Variants in MRPL36 observed in about 807,000 individuals in gnomAD.
MRPL36 encodes the protein mitochondrial ribosomal protein L36.
MRPL36 carries 1 observed loss-of-function variant against 2.8 expected under a neutral mutation model. The ratio of observed to expected loss-of-function variants is 0.36; its 90% CI spans 0.13 to 1.69. The LOEUF is 1.69. Among genes scored for constraint, MRPL36 ranks in the 40% most tolerant of loss-of-function variants. The pLI, the probability that MRPL36 is intolerant of heterozygous loss-of-function variation, is 0.35. For synonymous variants in MRPL36, 68 were observed against 54.8 expected (o/e 1.24, Z -1.06); for missense variants, 148 against 132.7 (o/e 1.12, Z -0.57).
In MRPL36 at chr5:1,798,595, G is replaced by A; in HGVS notation, c.*29C>T. 6.3e-7 allele frequency: 1 copy of A among 1,575,840 alleles called. No homozygotes were observed. Among genetic ancestry groups the A allele is most frequent in the Non-Finnish European group, 8.7e-7 (1 of 1,151,284 alleles). ...ATTCTCCCAAGTGATGCGATGACGAGTATGTGCGTGACTCTGGAGGGAAAG... is the reference window on the plus strand; with the variant it reads ...ATTCTCCCAAGTGATGCGATGACGAATATGTGCGTGACTCTGGAGGGAAAG... On this transcript the variant is annotated 3_prime_UTR_variant, in exon 2 of 2. Coordinates refer to ENST00000505059, the MANE Select transcript of MRPL36 (RefSeq NM_032479.4).
chr5:1,800,527 A>ATTT (rs1240646612), upstream of MRPL36, among the ~76,000 whole-genome samples: 94 of 152,282 alleles, frequency 6.2e-4, 1 homozygote, highest in African/African-American at 2.2e-3. Context: ...CTCCAGGACA[A>ATTT]ATCTGCCTCT....
chr5:1,799,064 G>A (rs1733940731), intron 1 of MRPL36, 117 bp from the exon 2 acceptor site: 9 of 774,232 alleles, frequency 1.2e-5, no homozygotes, highest in Admixed American at 2.9e-5. Context: ...GGGGACTGAG[G>A]GTGTTCCCAT....
Position 1,798,790 on chromosome 5 carries a change from C to T in MRPL36, c.146G>A (p.Arg49His), listed in dbSNP as rs149668102. 386 of 1,613,992 alleles carry T rather than the reference C, an allele frequency of 2.4e-4. 1 individual carries two copies. Among genetic ancestry groups the T allele is most frequent in the Middle Eastern group, 1.6e-4 (1 of 6,084 alleles). The change falls in exon 2 of 2, where the codon CGC (arginine) becomes CAC (histidine). Residue 49 changes from arginine (R) to histidine (H), a missense_variant. Transcript: ENST00000505059. The stretch of plus-strand genomic sequence containing the variant: ...CAGGAGGCCGGGTGAGAGAAGTGAG[C>T]GCACTGCTGCCCCGGGTTCCACAGC... ...PVAVEPGAAV[R>H]SLLSPGLLPH...
rs529690993 is a variant in MRPL36 at position 1,798,865 on chromosome 5, C to G, written c.71G>C (p.Arg24Pro). ...LYLSRHTVKP[R>P]ALSTFLFGSI... ...TCCAAATAGAAATGTGGAGAGGGCT[C>G]GAGGCTTCACCGTGTGACGACTGAG... The change falls in exon 2 of 2, where the codon CGA becomes CCA. Residue 24 changes from arginine (R) to proline (P), a missense_variant. By Grantham distance (103) the Arg-to-Pro change is moderately radical. Transcript: ENST00000505059. 4 of 1,613,028 alleles carry G rather than the reference C, an allele frequency of 2.5e-6. No individual in the cohort carries two copies. The highest frequency in any genetic ancestry group is 3.4e-6 in the Non-Finnish European group (4 of 1,179,256).
At chr5:1,800,142 G>C (rs969631369), upstream of MRPL36, among the ~76,000 whole-genome samples, 5 of 152,214 alleles carry the variant, frequency 3.3e-5, no homozygotes, top group Admixed American at 6.5e-5. Context: ...AACTGAGAAA[G>C]AGGACATGTT....
rs148275288 is a variant in MRPL36 at position 1,798,903 on chromosome 5, G to A, written c.33C>T (p.Asn11=). The change falls in exon 2 of 2, where the codon AAC becomes AAT. Residue 11 remains asparagine (N), a synonymous_variant. Transcript: ENST00000505059. Reference sequence around the variant, plus strand: ...TGTGACGACTGAGATAGAGCAGAGGGTTCACCATTTTCCTTATAAAAAGAT... The same window carrying A: ...TGTGACGACTGAGATAGAGCAGAGGATTCACCATTTTCCTTATAAAAAGAT... The part of the protein sequence containing the change: MANLFIRKMV[N]PLLYLSRHTV... The A allele has an allele frequency of 4.4e-6, 7 of 1,600,604 alleles. No individual in the cohort carries two copies. In the African/African-American group the frequency reaches 6.7e-5, roughly 15 times the overall value.
At chr5:1,801,399 C>A, upstream of MRPL36, 1 of 1,604,150 alleles carries the variant, frequency 6.2e-7, no homozygotes, top group South Asian at 1.1e-5. Context: ...TGCGCCGGGT[C>A]AAAGGCCAGC....
In MRPL36 at chr5:1,798,865, C is replaced by A; in HGVS notation, c.71G>T (p.Arg24Leu). 1 of 1,613,028 alleles carries A rather than the reference C, an allele frequency of 6.2e-7. No homozygotes were observed. Among genetic ancestry groups the A allele is most frequent in the Non-Finnish European group, 8.5e-7 (1 of 1,179,256 alleles). Residue 24 changes from arginine to leucine, a missense_variant, in exon 2 of 2, where the codon CGA becomes CTA. Arg to Leu is a moderately radical substitution (Grantham distance 102). Transcript: ENST00000505059. ...TCCAAATAGAAATGTGGAGAGGGCT[C>A]GAGGCTTCACCGTGTGACGACTGAG... Reference protein sequence around the residue: ...LYLSRHTVKPRALSTFLFGSI... With the variant: ...LYLSRHTVKPLALSTFLFGSI...
upstream of MRPL36, among the ~76,000 whole-genome samples, chr5:1,800,536 C>T (rs1293733296): frequency 6.6e-6 from 1 of 152,232 alleles, no homozygotes; most frequent in Non-Finnish European, 1.5e-5. Context: ...AAATCTGCCT[C>T]TGACCACCAC....
upstream of MRPL36, chr5:1,801,240 G>A (rs1267878219): frequency 6.7e-6 from 6 of 890,464 alleles, no homozygotes; most frequent in Non-Finnish European, 9.9e-6. Flanking sequence ...CGAGATACCT[G>A]GGATGAAAAC....
At chr5:1,800,772 G>A (rs1310677951), upstream of MRPL36, among the ~76,000 whole-genome samples, 1 of 152,166 alleles carries the variant, frequency 6.6e-6, no homozygotes, top group Non-Finnish European at 1.5e-5. Flanking sequence ...CTTTTTAGAG[G>A]CTGTATTTGC....
chr5:1,799,056 G>A (rs1451028358), intron 1 of MRPL36, 109 bp from the exon 2 acceptor site: 14 of 861,670 alleles, frequency 1.6e-5, no homozygotes, highest in Non-Finnish European at 2.3e-5. Flanking sequence ...GGGACCTCGG[G>A]GACTGAGGGT....
At chr5:1,799,864 G>A (rs1304163705), upstream of MRPL36, 4 of 135,204 alleles carry the variant, frequency 3.0e-5, no homozygotes, top group African/African-American at 8.2e-5. Context: ...TGCCAGGAAG[G>A]AAGATGGCGG....
In MRPL36 at chr5:1,798,838, G is replaced by T; in HGVS notation, c.98C>A (p.Ser33Tyr). ...PRALSTFLFGSIRGAAPVAVE... is the reference protein window; with the variant it reads ...PRALSTFLFGYIRGAAPVAVE... The stretch of plus-strand genomic sequence containing the variant: ...AGCCACGGGGGCTGCACCTCGAATG[G>T]ATCCAAATAGAAATGTGGAGAGGGC... The change falls in exon 2 of 2, where the codon TCC (serine) becomes TAC (tyrosine). Residue 33 changes from serine (S) to tyrosine (Y), a missense_variant. Ser to Tyr is a moderately radical substitution (Grantham distance 144). Transcript: ENST00000505059. The T allele has an allele frequency of 1.9e-6, 3 of 1,614,058 alleles. No homozygotes were observed. The highest frequency in any genetic ancestry group is 2.5e-6 in the Non-Finnish European group (3 of 1,179,970).
chr5:1,801,252 G>A (rs777863750), upstream of MRPL36: 3 of 1,025,386 alleles, frequency 2.9e-6, no homozygotes, highest in African/African-American at 1.6e-5. Context: ...GATGAAAACG[G>A]GTGACCACCT....
At chr5:1,799,928 A>AGAGAC (rs1256221438), upstream of MRPL36, 7 of 151,412 alleles carry the variant, frequency 4.6e-5, no homozygotes, top group Non-Finnish European at 7.4e-5. Flanking sequence ...GCAGAGACGC[A>AGAGAC]GCAGCGAGTG....
At chr5:1,799,983 T>C (rs1733988084), upstream of MRPL36, 7 of 151,750 alleles carry the variant, frequency 4.6e-5, no homozygotes. Context: ...CTGCGCGCAC[T>C]CTGCGGGCCA....
upstream of MRPL36, chr5:1,801,284 G>C: frequency 7.5e-7 from 1 of 1,324,652 alleles, no homozygotes; most frequent in East Asian, 2.6e-5. Context: ...CAGCTCCGGC[G>C]CACCCTCTGC....
Position 1,799,831 on chromosome 5 carries a change from G to A in MRPL36, c.-52C>T, listed in dbSNP as rs908947473. 2 of 152,128 alleles carry A rather than the reference G, an allele frequency of 1.3e-5. No homozygotes were observed. Among genetic ancestry groups the A allele is most frequent in the African/African-American group, 4.8e-5 (2 of 41,406 alleles). The allele number at this position is 152,128 out of a possible 1,614,324, so 9.4% of individuals were successfully genotyped here. A position where few individuals can be genotyped will look rare whatever the true frequency, so the allele number is the denominator to read the frequency against. On this transcript the variant is annotated 5_prime_UTR_variant, in exon 1 of 2. Transcript: ENST00000505059. ...TCACCCGGCGCCGACCCCTGCGTCTGCGCACTGGCACGCGGACGCTGCTGC... is the reference window on the plus strand; with the variant it reads ...TCACCCGGCGCCGACCCCTGCGTCTACGCACTGGCACGCGGACGCTGCTGC...
Sources: allele counts gnomAD v4.1 joint callset (sites outside exome capture counted in the v4.1 genomes callset), GRCh38; gene constraint gnomAD v4.1.1; transcripts MANE v1.5; gene names NCBI Gene and HGNC (gene_info 2026-07-23, HGNC 2026-07-21).